The following MAF variants were observed in gnomAD, a reference collection of about 807,000 sequenced individuals.
The protein encoded by MAF is MAF bZIP transcription factor.
MAF carries 10 observed loss-of-function variants against 22.0 expected under a neutral mutation model. The ratio of observed to expected loss-of-function variants is 0.45; its 90% CI spans 0.28 to 0.77. The LOEUF is 0.77. Ranked by LOEUF, MAF falls within the 30% of genes least tolerant of loss-of-function variation. MAF has a pLI of 0.12. For synonymous variants in MAF, 337 were observed against 255.8 expected, an observed-to-expected ratio of 1.32 and a Z score of -3.03; for missense variants, 544 against 548.4, an observed-to-expected ratio of 0.99 and a Z score of 0.08.
chr16:79,246,379 C>T, the MAF span, among the ~76,000 whole-genome samples: 1 of 152,080 alleles, frequency 6.6e-6, no homozygotes, highest in Non-Finnish European at 1.5e-5. Context: ...TCTCAACCCA[C>T]AAATGTTACC....
chr16:79,581,836 G>A (rs958010833), downstream of MAF, among the ~76,000 whole-genome samples: 1 of 152,114 alleles, frequency 6.6e-6, no homozygotes, highest in Non-Finnish European at 1.5e-5. Flanking sequence ...CATTCCGCAG[G>A]CTTACACCTG....
At chr16:79,451,828 A>C in the MAF span, among the ~76,000 whole-genome samples, 1 of 152,236 alleles carries the variant, frequency 6.6e-6, no homozygotes, top group East Asian at 1.9e-4. Context: ...ATGCCTAACT[A>C]AACATGTATC....
At position 79,600,236 on chromosome 16, in the gene MAF, G is replaced by A. The variant is rs987266550; in HGVS notation, c.-334C>T. The A allele has an allele frequency of 2.2e-5, 6 of 270,876 alleles. No individual in the cohort carries two copies. The highest frequency in any genetic ancestry group is 5.6e-5 in the Admixed American group (1 of 17,716). The allele number at this position is 270,876 out of a possible 1,614,324, so 16.8% of individuals were successfully genotyped here. ...ATCCTCCGCGAGCTGCGGTGGCGGC[G>A]GTGGTGGCTGCGGCGGCGAAGCTGG... On this transcript the variant is annotated 5_prime_UTR_variant, in exon 1 of 2. Transcript: ENST00000326043.
At chr16:79,435,653 C>T in the MAF span, among the ~76,000 whole-genome samples, 1 of 152,184 alleles carries the variant, frequency 6.6e-6, no homozygotes. Flanking sequence ...GTCCTCTTCT[C>T]AGGGCATTTC....
At chr16:79,212,173 C>T in the MAF span, 4 of 1,480,842 alleles carry the variant, frequency 2.7e-6, no homozygotes, top group South Asian at 4.0e-5. Flanking sequence ...ACGGCCACCA[C>T]TGCAGCCGGG....
the MAF span, among the ~76,000 whole-genome samples, chr16:79,570,129 T>G: frequency 6.6e-6 from 1 of 151,920 alleles, no homozygotes; most frequent in Non-Finnish European, 1.5e-5. Flanking sequence ...AGCCATTAAA[T>G]TGACAGGTTG....
At chr16:79,387,914 C>T in the MAF span, among the ~76,000 whole-genome samples, 1 of 152,138 alleles carries the variant, frequency 6.6e-6, no homozygotes, top group South Asian at 2.1e-4. Flanking sequence ...TTCAATGAGT[C>T]CCCAACATAG....
the MAF span, among the ~76,000 whole-genome samples, chr16:79,244,266 G>C: frequency 1.3e-5 from 2 of 151,954 alleles, no homozygotes; most frequent in African/African-American, 4.8e-5. Context: ...GGAACAGAGG[G>C]AGTCAAATTG....
At chr16:79,493,087 A>G in the MAF span, among the ~76,000 whole-genome samples, 2 of 151,366 alleles carry the variant, frequency 1.3e-5, no homozygotes, top group Non-Finnish European at 1.5e-5. Flanking sequence ...CCTCCTGAGT[A>G]CTTGGGATTA....
chr16:79,563,069 T>C, the MAF span, among the ~76,000 whole-genome samples: 1 of 152,128 alleles, frequency 6.6e-6, no homozygotes, highest in Non-Finnish European at 1.5e-5. Flanking sequence ...TTGCACTAGG[T>C]GGTTATACTA....
At chr16:79,227,634 T>A in the MAF span, among the ~76,000 whole-genome samples, 1 of 146,972 alleles carries the variant, frequency 6.8e-6, no homozygotes, top group African/African-American at 2.4e-5. Context: ...CATTCTACGT[T>A]TTGTTTTATT....
the MAF span, among the ~76,000 whole-genome samples, chr16:79,210,000 T>C: frequency 2.6e-3 from 393 of 152,188 alleles, 1 homozygote; most frequent in African/African-American, 8.7e-3. Context: ...TGGAGGGAGA[T>C]TGGGGAGGTA....
the MAF span, among the ~76,000 whole-genome samples, chr16:79,464,096 C>T: frequency 2.0e-5 from 3 of 152,194 alleles, no homozygotes; most frequent in Admixed American, 2.0e-4. Flanking sequence ...AGAAGTTCTC[C>T]ACTCTTATTT....
chr16:79,336,318 T>C, the MAF span, among the ~76,000 whole-genome samples: 1 of 152,230 alleles, frequency 6.6e-6, no homozygotes, highest in East Asian at 1.9e-4. Flanking sequence ...ATCATCCTCA[T>C]TTTGTAAAGG....
At chr16:79,296,594 G>A in the MAF span, among the ~76,000 whole-genome samples, 1 of 151,810 alleles carries the variant, frequency 6.6e-6, no homozygotes, top group Non-Finnish European at 1.5e-5. Flanking sequence ...CCTAGTTACA[G>A]TATATTTACT....
the MAF span, among the ~76,000 whole-genome samples, chr16:79,239,780 T>C: frequency 2.0e-5 from 3 of 152,052 alleles, no homozygotes; most frequent in Non-Finnish European, 4.4e-5. Context: ...ACATTGTAGC[T>C]GCTCTCAAAA....
the MAF span, among the ~76,000 whole-genome samples, chr16:79,368,280 T>G: frequency 6.6e-6 from 1 of 152,142 alleles, no homozygotes; most frequent in African/African-American, 2.4e-5. Flanking sequence ...CTCTTGAGGC[T>G]CCAGATTCTA....
the MAF span, among the ~76,000 whole-genome samples, chr16:79,235,657 C>T: frequency 3.3e-5 from 5 of 152,092 alleles, no homozygotes; most frequent in East Asian, 1.9e-4. Flanking sequence ...ACACGCTCTA[C>T]GGTAATAGAA....
the MAF span, among the ~76,000 whole-genome samples, chr16:79,445,149 T>C: frequency 6.6e-6 from 1 of 151,872 alleles, no homozygotes; most frequent in Admixed American, 6.6e-5. Context: ...TTCTCCTGCC[T>C]CAGCCCCCTG....
Sources: allele counts gnomAD v4.1 joint callset (sites outside exome capture counted in the v4.1 genomes callset), GRCh38; gene constraint gnomAD v4.1.1; transcripts MANE v1.5; gene names NCBI Gene and HGNC (gene_info 2026-07-23, HGNC 2026-07-21).